Variants in COL9A1 observed in about 807,000 individuals in gnomAD.
COL9A1 encodes the protein collagen type IX alpha 1 chain.
Under a neutral mutation model 142.6 loss-of-function variants are expected in COL9A1, and 104 were observed. The ratio of observed to expected loss-of-function variants is 0.73; its 90% CI spans 0.62 to 0.86. COL9A1 has a LOEUF of 0.86. COL9A1 is among the 40% of genes least tolerant of loss of function. The probability of loss-of-function intolerance (pLI) is 0.00; values close to 1 mark genes in which losing one functional copy is unlikely to be tolerated. For missense variants in COL9A1, 1,210 were observed against 1,176.6 expected (o/e 1.03, Z -0.42); for synonymous variants, 466 against 396.0 (o/e 1.18, Z -2.10).
intron 37 of COL9A1, among the ~76,000 whole-genome samples, chr6:70,217,512 T>C (rs1768601489): frequency 6.6e-6 from 1 of 152,218 alleles, no homozygotes; most frequent in Non-Finnish European, 1.5e-5. Flanking sequence ...TGAAATGATC[T>C]TTTGCACACA....
chr6:70,235,007 A>G, intron 33 of COL9A1, 67 bp from the exon 34 acceptor site: 1 of 1,599,616 alleles, frequency 6.3e-7, no homozygotes, highest in Non-Finnish European at 8.5e-7. Flanking sequence ...TCATACTCAT[A>G]TAAACACTTA....
chr6:70,278,449 T>G (rs1166217134), intron 10 of COL9A1, among the ~76,000 whole-genome samples: 4 of 152,212 alleles, frequency 2.6e-5, no homozygotes, highest in Non-Finnish European at 5.9e-5. Flanking sequence ...AGGTTATTGT[T>G]GGTTAAAAGA....
chr6:70,267,084 G>A (rs955861345), intron 17 of COL9A1, among the ~76,000 whole-genome samples: 4 of 152,044 alleles, frequency 2.6e-5, no homozygotes, highest in African/African-American at 9.7e-5. Context: ...TTCCTCACAC[G>A]GGTTAGGAGC....
In COL9A1 at chr6:70,231,720, A is replaced by T. The variant is rs563291970; in HGVS notation, c.2503+863T>A. 4.6e-5 allele frequency among the ~76,000 whole-genome samples: 7 copies of T among 151,958 alleles called. No homozygotes were observed. In the South Asian group the frequency reaches 1.5e-3, roughly 32 times the overall value. On this transcript the variant is annotated intron_variant, in intron 36 of 37. Coordinates refer to ENST00000357250, the MANE Select transcript of COL9A1 (RefSeq NM_001851.6). ...AATTGGAGCACCGCAGTACTTAAAA[A>T]AAAAAAAAACAACCCTCTCTTGTTT...
chr6:70,292,958 T>A (rs1773709544), intron 5 of COL9A1, among the ~76,000 whole-genome samples: 2 of 152,198 alleles, frequency 1.3e-5, no homozygotes, highest in Non-Finnish European at 2.9e-5. Context: ...ACACGGCAGT[T>A]ACAAATTGCT....
chr6:70,222,667 T>C (rs1768953644), intron 37 of COL9A1: 1 of 151,668 alleles, frequency 6.6e-6, no homozygotes, highest in South Asian at 2.1e-4. Context: ...TAACAACCGA[T>C]AGAAAATGAT....
chr6:70,256,864 T>C, intron 20 of COL9A1, 43 bp from the exon 21 acceptor site: 12 of 1,586,858 alleles, frequency 7.6e-6, no homozygotes, highest in Non-Finnish European at 1.0e-5. Context: ...AGATCAGTCA[T>C]GTATGTTAAA....
intron 35 of COL9A1, among the ~76,000 whole-genome samples, chr6:70,233,043 G>T (rs1232784278): frequency 6.6e-6 from 1 of 152,056 alleles, no homozygotes; most frequent in East Asian, 1.9e-4. Flanking sequence ...CAGGGGGTGG[G>T]ATTCACAAAA....
chr6:70,241,585 C>T (rs1770263731), intron 30 of COL9A1, 131 bp from the exon 31 acceptor site: 1 of 765,432 alleles, frequency 1.3e-6, no homozygotes, highest in South Asian at 1.6e-5. Flanking sequence ...CCACTCCTCA[C>T]CACCCAACAA....
chr6:70,286,994 C>G (rs528902233), intron 5 of COL9A1, among the ~76,000 whole-genome samples: 1 of 152,170 alleles, frequency 6.6e-6, no homozygotes, highest in Non-Finnish European at 1.5e-5. Context: ...AAGGCAGTAT[C>G]TAAGCAGAAA....
At chr6:70,276,646 G>A (rs621347) in intron 10 of COL9A1, among the ~76,000 whole-genome samples, 70,623 of 151,994 alleles carry the variant, frequency 0.46, 17,860 homozygotes, top group African/African-American at 0.68. Context: ...GCAGAAAACC[G>A]TAAGCTCCAT....
At chr6:70,236,109 T>A (rs1583225836) in intron 33 of COL9A1, among the ~76,000 whole-genome samples, 1 of 57,140 alleles carries the variant, frequency 1.8e-5, no homozygotes, top group Non-Finnish European at 2.9e-5. Flanking sequence ...CGAGACTCCA[T>A]CTCAAAAAAA....
In COL9A1 at chr6:70,255,325, A is replaced by C. The variant is rs757979150; in HGVS notation, c.1557+12T>G. On this transcript the variant is annotated intron_variant, in intron 22 of 37. Transcript: ENST00000357250. ...AAAGCAGGAGGCTTGGAGTGACTGA[A>C]TTTAAACTCACTCTATCTCCTTTGG... 5 of 1,614,002 alleles carry C rather than the reference A, an allele frequency of 3.1e-6. No individual in the cohort carries two copies. The highest frequency in any genetic ancestry group is 4.2e-6 in the Non-Finnish European group (5 of 1,179,926).
At chr6:70,242,610 A>G in intron 29 of COL9A1, 52 bp downstream of exon 29, 1 of 1,480,212 alleles carries the variant, frequency 6.8e-7, no homozygotes, top group South Asian at 1.1e-5. Flanking sequence ...GCTTATTTTT[A>G]AAAATGCATT....
chr6:70,295,101 A>T (rs1317103830), intron 4 of COL9A1, among the ~76,000 whole-genome samples: 1 of 152,032 alleles, frequency 6.6e-6, no homozygotes, highest in Middle Eastern at 3.2e-3. Context: ...TATATCCCAG[A>T]CCCATATAAG....
intron 18 of COL9A1, among the ~76,000 whole-genome samples, chr6:70,263,711 C>A (rs1369934816): frequency 6.6e-6 from 1 of 151,536 alleles, no homozygotes; most frequent in African/African-American, 2.4e-5. Context: ...ACTATGAAAA[C>A]TTTTTTGTAA....
intron 4 of COL9A1, among the ~76,000 whole-genome samples, chr6:70,298,824 A>G (rs67434938): frequency 0.18 from 26,945 of 151,946 alleles, 3,468 homozygotes; most frequent in East Asian, 0.47. Context: ...AATTATGAGG[A>G]AAAAAAAGTG....
rs1198346522 is a variant in COL9A1 at position 70,225,920 on chromosome 6, C to T, written c.2581+12G>A. On this transcript the variant is annotated intron_variant, in intron 37 of 37. Transcript: ENST00000357250. Reference sequence around the variant, plus strand: ...TCGCTACCTCCTCCTCTCAGCTATACAACACACTTACCTGGGAGACCTATA... The same window carrying T: ...TCGCTACCTCCTCCTCTCAGCTATATAACACACTTACCTGGGAGACCTATA... 1.1e-5 allele frequency: 17 copies of T among 1,612,194 alleles called. No individual in the cohort carries two copies. Among genetic ancestry groups the T allele is most frequent in the Non-Finnish European group, 1.4e-5 (17 of 1,178,358 alleles).
At chr6:70,247,263 A>G (rs1770663255) in intron 28 of COL9A1, among the ~76,000 whole-genome samples, 1 of 152,224 alleles carries the variant, frequency 6.6e-6, no homozygotes, top group Non-Finnish European at 1.5e-5. Context: ...TGTAAAAATT[A>G]TTTCCATAAA....
Sources: gnomAD v4.1 joint callset for allele counts (sites outside exome capture counted in the v4.1 genomes callset) on GRCh38, gnomAD v4.1.1 for gene constraint, MANE v1.5 for transcripts, NCBI Gene and HGNC (gene_info 2026-07-23, HGNC 2026-07-21) for gene names.